Variants in FOXP2 observed in about 807,000 individuals in gnomAD.
FOXP2 encodes the protein forkhead box P2.
A neutral mutation model predicts 115.8 loss-of-function variants in FOXP2; 12 were observed. The observed-to-expected ratio is 0.10, with a 90% CI of 0.07 to 0.17. The LOEUF (loss-of-function observed/expected upper bound fraction) is 0.17. FOXP2 is among the 10% of genes least tolerant of loss of function. The probability of loss-of-function intolerance (pLI) is 1.00; values close to 1 mark genes in which losing one functional copy is unlikely to be tolerated. For synonymous variants in FOXP2, 328 were observed against 297.7 expected (o/e 1.10, Z -1.05); for missense variants, 629 against 843.5 (o/e 0.75, Z 3.15).
intron 1 of FOXP2, among the ~76,000 whole-genome samples, chr7:114,418,585 C>A (rs1222021653): frequency 6.6e-6 from 1 of 151,654 alleles, no homozygotes; most frequent in African/African-American, 2.4e-5. Context: ...ACTCACAGAA[C>A]AGACGTCATG....
chr7:114,550,736 G>A (rs1046023680), intron 3 of FOXP2, among the ~76,000 whole-genome samples: 2 of 152,060 alleles, frequency 1.3e-5, no homozygotes, highest in African/African-American at 4.8e-5. Context: ...CTGATAAATG[G>A]GTTACTCAGT....
intron 2 of FOXP2, among the ~76,000 whole-genome samples, chr7:114,388,519 C>T (rs966303256): frequency 1.3e-5 from 2 of 152,042 alleles, no homozygotes; most frequent in African/African-American, 4.8e-5. Flanking sequence ...CTCCTTACCA[C>T]TACTTTGGAG....
At chr7:114,638,505 A>T in intron 6 of FOXP2, among the ~76,000 whole-genome samples, 1 of 152,182 alleles carries the variant, frequency 6.6e-6, no homozygotes, top group African/African-American at 2.4e-5. Flanking sequence ...AAAACTTTCA[A>T]AATTGTACAA....
intron 1 of FOXP2, among the ~76,000 whole-genome samples, chr7:114,266,785 T>C (rs1795905897): frequency 6.6e-6 from 1 of 152,168 alleles, no homozygotes; most frequent in Non-Finnish European, 1.5e-5. Context: ...CTGAACTTCA[T>C]ATATTTTAGG....
At chr7:114,414,013 C>A (rs780882869), upstream of FOXP2, among the ~76,000 whole-genome samples, 19 of 152,090 alleles carry the variant, frequency 1.2e-4, no homozygotes, top group Non-Finnish European at 2.1e-4. Context: ...AGTGTCGTTC[C>A]TGTCTTGGGT....
intron 16 of FOXP2, among the ~76,000 whole-genome samples, chr7:114,684,154 T>G (rs1808237143): frequency 2.0e-5 from 3 of 152,214 alleles, no homozygotes; most frequent in Admixed American, 6.5e-5. Context: ...TCTATGTGCT[T>G]GTTTCTAAAT....
intron 3 of FOXP2, among the ~76,000 whole-genome samples, chr7:114,558,465 A>G (rs561044401): frequency 6.6e-5 from 10 of 152,270 alleles, no homozygotes; most frequent in Admixed American, 3.3e-4. Context: ...TTTGCTTTAT[A>G]TGGGGCTCTT....
chr7:114,509,612 A>G (rs1797975702), intron 2 of FOXP2, among the ~76,000 whole-genome samples: 1 of 148,956 alleles, frequency 6.7e-6, no homozygotes, highest in South Asian at 2.2e-4. Context: ...GTTAGTCCAA[A>G]TTAGTGAATT....
At chr7:114,208,153 G>A (rs925578901) in intron 1 of FOXP2, among the ~76,000 whole-genome samples, 2 of 152,156 alleles carry the variant, frequency 1.3e-5, no homozygotes, top group Non-Finnish European at 2.9e-5. Flanking sequence ...TGGGAGAGAG[G>A]CTGTACCCTG....
At chr7:114,145,313 C>A (rs1229998330) in intron 1 of FOXP2, among the ~76,000 whole-genome samples, 1 of 151,976 alleles carries the variant, frequency 6.6e-6, no homozygotes, top group Non-Finnish European at 1.5e-5. Flanking sequence ...TGTAAATGAT[C>A]AATAAATCTT....
intron 16 of FOXP2, among the ~76,000 whole-genome samples, chr7:114,678,220 A>G (rs746950892): frequency 3.3e-5 from 5 of 152,172 alleles, no homozygotes; most frequent in Non-Finnish European, 2.9e-5. Context: ...TTGAGCAGAG[A>G]TGAGGAAAGG....
At chr7:114,539,938 T>G (rs532463358) in intron 3 of FOXP2, among the ~76,000 whole-genome samples, 1 of 152,168 alleles carries the variant, frequency 6.6e-6, no homozygotes, top group East Asian at 1.9e-4. Flanking sequence ...GCCTGTTTCC[T>G]CATCCCTAAA....
intron 1 of FOXP2, among the ~76,000 whole-genome samples, chr7:114,143,080 G>C (rs1250242158): frequency 6.6e-6 from 1 of 151,238 alleles, no homozygotes; most frequent in Non-Finnish European, 1.5e-5. Context: ...CCCAGGAGGT[G>C]AAGGCTGCCA....
At chr7:114,310,360 T>C (rs1201197130) in intron 2 of FOXP2, among the ~76,000 whole-genome samples, 2 of 152,186 alleles carry the variant, frequency 1.3e-5, no homozygotes, top group East Asian at 1.9e-4. Flanking sequence ...ACCATTTCCA[T>C]TTGACTACAG....
At chr7:114,397,826 G>A (rs1301245807) in intron 2 of FOXP2, among the ~76,000 whole-genome samples, 2 of 152,120 alleles carry the variant, frequency 1.3e-5, no homozygotes, top group Admixed American at 1.3e-4. Context: ...CAATTAGGAG[G>A]TAATTTATTA....
intron 1 of FOXP2, among the ~76,000 whole-genome samples, chr7:114,140,390 C>T (rs1408131567): frequency 6.6e-6 from 1 of 152,088 alleles, no homozygotes; most frequent in East Asian, 1.9e-4. Context: ...GAATTATTTG[C>T]CCTTGGCTTG....
intron 16 of FOXP2, among the ~76,000 whole-genome samples, chr7:114,683,651 A>T (rs753291135): frequency 1.3e-5 from 2 of 152,184 alleles, no homozygotes; most frequent in Non-Finnish European, 2.9e-5. Context: ...TTGATCCTTA[A>T]GTGGTAGACA....
At chr7:114,583,304 G>C (rs73438578) in intron 3 of FOXP2, among the ~76,000 whole-genome samples, 10 of 151,986 alleles carry the variant, frequency 6.6e-5, no homozygotes, top group African/African-American at 2.4e-4. Context: ...CCTTTAACCC[G>C]GAGGTGGGGG....
chr7:114,159,434 C>T (rs748827802), upstream of FOXP2, among the ~76,000 whole-genome samples: 12 of 151,584 alleles, frequency 7.9e-5, no homozygotes, highest in Non-Finnish European at 1.5e-4. Context: ...AGAATGGAAT[C>T]TCTTTCATTC....
Sources: gnomAD v4.1 joint callset for allele counts (sites outside exome capture counted in the v4.1 genomes callset) on GRCh38, gnomAD v4.1.1 for gene constraint, MANE v1.5 for transcripts, NCBI Gene and HGNC (gene_info 2026-07-23, HGNC 2026-07-21) for gene names.